The following MTUS1 variants were observed in gnomAD, a reference collection of about 807,000 sequenced individuals.
The protein encoded by MTUS1 is microtubule associated scaffold protein 1.
In MTUS1, 109 loss-of-function variants were observed where a neutral mutation model predicts 120.8. The ratio of observed to expected loss-of-function variants is 0.90; its 90% CI spans 0.77 to 1.06. MTUS1 has a LOEUF of 1.06. MTUS1 is among the 50% of genes least tolerant of loss of function. MTUS1 has a pLI of 0.00. For synonymous variants in MTUS1, 737 were observed against 550.5 expected, an observed-to-expected ratio of 1.34 and a Z score of -4.74; for missense variants, 2,210 against 1,486.3, an observed-to-expected ratio of 1.49 and a Z score of -8.01.
intron 4 of MTUS1, 88 bp downstream of exon 4, chr8:17,723,584 A>G: frequency 7.0e-7 from 1 of 1,437,474 alleles, no homozygotes; most frequent in Non-Finnish European, 9.8e-7. Context: ...AACCCCAGAA[A>G]CAAAAATTCT....
intron 4 of MTUS1, 30 bp downstream of exon 4, chr8:17,723,642 C>G (rs573878854): frequency 1.9e-6 from 3 of 1,594,472 alleles, no homozygotes; most frequent in African/African-American, 1.3e-5. Flanking sequence ...GTTTCCACAA[C>G]CCCCGAAGTG....
At chr8:17,726,424 C>A (rs540503958) in intron 3 of MTUS1, among the ~76,000 whole-genome samples, 1 of 152,296 alleles carries the variant, frequency 6.6e-6, no homozygotes, top group East Asian at 1.9e-4. Flanking sequence ...TTCCTGAGAT[C>A]AGGAAGAGCA....
In MTUS1 at chr8:17,647,117, TA is replaced by T. The variant is rs565891321; in HGVS notation, c.3502-39del. 3,382 of 1,383,466 alleles carry T rather than the reference TA, an allele frequency of 2.4e-3. 2 individuals carry two copies. The highest frequency in any genetic ancestry group is 3.2e-3 in the South Asian group (232 of 72,580). The allele number at this position is 1,383,466 out of a possible 1,614,324, so 85.7% of individuals were successfully genotyped here. A position where few individuals can be genotyped will look rare whatever the true frequency, so the allele number is the denominator to read the frequency against. On this transcript the variant is annotated intron_variant, in intron 13 of 14. Transcript: ENST00000693296. ...AAGAATTCCAACATTTATACAATAT[TA>T]AAAAAAAAACCCCTCATTTCTTAAG...
In MTUS1 at chr8:17,716,013, T is replaced by C; in HGVS notation, c.2450-112A>G. On this transcript the variant is annotated intron_variant, in intron 4 of 14. Transcript: ENST00000693296. ...AAATGCTCAATAAGCACCTACGACA[T>C]GCCAGTCATTACTGAACATTGGGAA... 8 of 920,318 alleles carry C rather than the reference T, an allele frequency of 8.7e-6. No homozygotes were observed. The South Asian group carries it at 9.8e-5, about 11-fold the overall frequency. 57.0% of individuals were successfully genotyped at this position (920,318 alleles called of 1,614,324 possible). A position where few individuals can be genotyped will look rare whatever the true frequency, so the allele number is the denominator to read the frequency against.
rs144356756 is a variant in MTUS1 at position 17,755,638 on chromosome 8, T to C, written c.170A>G (p.Asp57Gly). 3 of 1,614,254 alleles carry C rather than the reference T, an allele frequency of 1.9e-6. No individual in the cohort carries two copies. The highest frequency in any genetic ancestry group is 1.3e-5 in the African/African-American group (1 of 75,066). ...NSANPDDMVV[D>G]YETDPAVVTG... ...AACTACAGCAGGGTCAGTTTCATAATCAACCACCATGTCATCTGGGTTGGC... is the reference window on the plus strand; with the variant it reads ...AACTACAGCAGGGTCAGTTTCATAACCAACCACCATGTCATCTGGGTTGGC... Residue 57 changes from aspartate (D) to glycine (G), a missense_variant, in exon 2 of 15, where the codon GAT becomes GGT. Asp to Gly is a moderately conservative substitution (Grantham distance 94). Transcript: ENST00000693296.
chr8:17,773,435 C>G (rs755097230), intron 1 of MTUS1, among the ~76,000 whole-genome samples: 1 of 152,138 alleles, frequency 6.6e-6, no homozygotes, highest in Admixed American at 6.5e-5. Context: ...GGGTAAGATA[C>G]CTCACTTTGA....
At chr8:17,649,525 T>C (rs1035893763) in intron 13 of MTUS1, among the ~76,000 whole-genome samples, 15 of 152,240 alleles carry the variant, frequency 9.9e-5, no homozygotes, top group African/African-American at 3.6e-4. Flanking sequence ...ATTAAAGTAC[T>C]GATTTTACAT....
chr8:17,714,774 T>C (rs1821988003), intron 5 of MTUS1, among the ~76,000 whole-genome samples: 2 of 152,158 alleles, frequency 1.3e-5, no homozygotes, highest in Non-Finnish European at 2.9e-5. Flanking sequence ...AGACTCTTTG[T>C]TTCTGTGTTT....
At chr8:17,756,013 C>G in intron 1 of MTUS1, 52 bp from the exon 2 acceptor site, 1 of 1,209,312 alleles carries the variant, frequency 8.3e-7, no homozygotes, top group Non-Finnish European at 1.1e-6. Flanking sequence ...AATTAACAGG[C>G]CACCCCTTGG....
At chr8:17,692,007 A>G (rs1817036177) in intron 6 of MTUS1, 1 of 152,232 alleles carries the variant, frequency 6.6e-6, no homozygotes, top group Non-Finnish European at 1.5e-5. Context: ...TAATGGAACC[A>G]TTACACACAG....
chr8:17,647,700 G>A (rs1169535086), intron 13 of MTUS1, among the ~76,000 whole-genome samples: 1 of 152,146 alleles, frequency 6.6e-6, no homozygotes, highest in Non-Finnish European at 1.5e-5. Context: ...TTGCTGCCCT[G>A]TGCAGGCTGA....
intron 7 of MTUS1, chr8:17,676,157 A>G: frequency 1.5e-6 from 1 of 674,432 alleles, no homozygotes; most frequent in Non-Finnish European, 2.7e-6. Flanking sequence ...AGATCATGAG[A>G]CCCGGCCTTT....
At chr8:17,715,380 C>A (rs755964126) in intron 5 of MTUS1, among the ~76,000 whole-genome samples, 5 of 152,264 alleles carry the variant, frequency 3.3e-5, no homozygotes, top group African/African-American at 7.2e-5. Context: ...AGAGGAAGAA[C>A]AATGTCTTAG....
At position 17,649,891 on chromosome 8, in the gene MTUS1, C is replaced by A. The variant is rs1288625330; in HGVS notation, c.3456G>T (p.Glu1152Asp). The A allele has an allele frequency of 1.1e-5, 17 of 1,610,888 alleles. 1 individual carries two copies. The Admixed American group carries it at 2.8e-4, about 27-fold the overall frequency. The change falls in exon 13 of 15, where the codon GAG becomes GAT. Residue 1152 changes from glutamate (E) to aspartate (D), a missense_variant. Glu to Asp is a conservative substitution (Grantham distance 45). Coordinates refer to ENST00000693296, the MANE Select transcript of MTUS1 (RefSeq NM_001363059.2). ...SLKAVLEIKN[E>D]KLHQQDIKLM... is the part of the protein sequence containing the mutation. ...ACTTGATGTCCTGTTGATGCAGTTT[C>A]TCATTCTTGATCTCTAACACAGCTT... is the stretch of plus-strand genomic sequence containing the variant.
In MTUS1 at chr8:17,647,089, A is replaced by C; in HGVS notation, c.3502-10T>G. On this transcript the variant is annotated splice_polypyrimidine_tract_variant and intron_variant, in intron 13 of 14. Transcript: ENST00000693296. ...CTGTGTTGTTGTCCACCTTGGCATA[A>C]ACAAGAATTCCAACATTTATACAAT... 1 of 1,609,182 alleles carries C rather than the reference A, an allele frequency of 6.2e-7. No individual in the cohort carries two copies. Among genetic ancestry groups the C allele is most frequent in the Non-Finnish European group, 8.5e-7 (1 of 1,176,808 alleles).
chr8:17,653,335 AG>A, intron 11 of MTUS1, 54 bp from the exon 12 acceptor site: 1 of 1,483,398 alleles, frequency 6.7e-7, no homozygotes. Context: ...CCAGAAACTC[AG>A]CATACGTACA....
intron 8 of MTUS1, among the ~76,000 whole-genome samples, chr8:17,659,161 T>C (rs1173006122): frequency 6.6e-6 from 1 of 151,970 alleles, no homozygotes; most frequent in African/African-American, 2.4e-5. Flanking sequence ...GCAGTCTGAA[T>C]TCTGATTCTG....
At chr8:17,763,671 A>T (rs2049228078) in intron 1 of MTUS1, among the ~76,000 whole-genome samples, 1 of 152,182 alleles carries the variant, frequency 6.6e-6, no homozygotes, top group Admixed American at 6.5e-5. Flanking sequence ...AACAGGATTA[A>T]CAGTACCCTA....
intron 1 of MTUS1, among the ~76,000 whole-genome samples, chr8:17,775,904 C>T (rs1320577128): frequency 6.6e-6 from 1 of 152,226 alleles, no homozygotes; most frequent in Non-Finnish European, 1.5e-5. Context: ...AGAGTGAAGT[C>T]AAGGTGCTTA....
Sources: gnomAD v4.1 joint callset for allele counts (sites outside exome capture counted in the v4.1 genomes callset) on GRCh38, gnomAD v4.1.1 for gene constraint, MANE v1.5 for transcripts, NCBI Gene and HGNC (gene_info 2026-07-23, HGNC 2026-07-21) for gene names.